Variants in KIFBP observed in about 807,000 individuals in gnomAD.
KIFBP encodes KIF-binding protein.
A neutral mutation model predicts 58.9 loss-of-function variants in KIFBP; 46 were observed. That is an observed-to-expected ratio of 0.78 (90% CI 0.62 to 1.00). The LOEUF is 1.00. Ranked by LOEUF, KIFBP falls within the 50% of genes least tolerant of loss-of-function variation. The pLI is 0.00. For synonymous variants in KIFBP, 241 were observed against 283.4 expected, an observed-to-expected ratio of 0.85 and a Z score of 1.50; for missense variants, 651 against 752.9, an observed-to-expected ratio of 0.86 and a Z score of 1.58.
intron 2 of KIFBP, among the ~76,000 whole-genome samples, chr10:69,004,454 T>C (rs1392516071): frequency 2.0e-5 from 3 of 152,154 alleles, no homozygotes; most frequent in Admixed American, 2.0e-4. Context: ...TTTTGCATAT[T>C]TGCAGTTTAA....
chr10:68,992,008 T>C (rs1026212204), intron 1 of KIFBP, among the ~76,000 whole-genome samples: 1 of 152,032 alleles, frequency 6.6e-6, no homozygotes, highest in Non-Finnish European at 1.5e-5. Context: ...TTATTTTTAT[T>C]TTTGAGACAG....
intron 1 of KIFBP, among the ~76,000 whole-genome samples, chr10:68,994,476 C>T (rs1322492517): frequency 6.6e-6 from 1 of 152,024 alleles, no homozygotes; most frequent in Non-Finnish European, 1.5e-5. Flanking sequence ...ATTAGATTAT[C>T]AAGAGATTTC....
At chr10:68,996,873 A>G (rs181439794) in intron 1 of KIFBP, among the ~76,000 whole-genome samples, 2,090 of 152,054 alleles carry the variant, frequency 0.014, 18 homozygotes, top group Non-Finnish European at 0.02. Context: ...ATAAAATAAA[A>G]AATATTTTGG....
Position 69,016,840 on chromosome 10 carries a change from T to G in KIFBP, c.*424T>G. 1 of 156,076 alleles carries G rather than the reference T, an allele frequency of 6.4e-6. No individual in the cohort carries two copies. Among genetic ancestry groups the G allele is most frequent in the Non-Finnish European group, 1.4e-5 (1 of 70,574 alleles). The allele number at this position is 156,076 out of a possible 1,614,324, so 9.7% of individuals were successfully genotyped here. A position where few individuals can be genotyped will look rare whatever the true frequency, so the allele number is the denominator to read the frequency against. ...CTTCTAAAATATTTGACTTCCTAAATTCCCCCCACCCAAAATCTTTCCCTT... is the reference window on the plus strand; with the variant it reads ...CTTCTAAAATATTTGACTTCCTAAAGTCCCCCCACCCAAAATCTTTCCCTT... On this transcript the variant is annotated 3_prime_UTR_variant, in exon 7 of 7. Coordinates refer to ENST00000361983, the MANE Select transcript of KIFBP (RefSeq NM_015634.4).
Position 69,005,116 on chromosome 10 carries a change from G to A in KIFBP, c.596G>A (p.Arg199Lys). The A allele has an allele frequency of 6.2e-7, 1 of 1,609,780 alleles. No homozygotes were observed. Among genetic ancestry groups the A allele is most frequent in the East Asian group, 2.2e-5 (1 of 44,816 alleles). ...GAAGAGAAACTTACTGAACAAGAGAGATCAAAAAGGTGAGTAGGTATAGAA... is the reference window on the plus strand; with the variant it reads ...GAAGAGAAACTTACTGAACAAGAGAAATCAAAAAGGTGAGTAGGTATAGAA... ...PEEEKLTEQERSKRFEKVYTH... is the reference protein window; with the variant it reads ...PEEEKLTEQEKSKRFEKVYTH... Residue 199 changes from arginine (R) to lysine (K), a missense_variant, in exon 3 of 7, where the codon AGA becomes AAA. By Grantham distance (26) the Arg-to-Lys change is conservative. Transcript: ENST00000361983.
chr10:68,997,052 C>T (rs1269963510), intron 1 of KIFBP, among the ~76,000 whole-genome samples: 3 of 151,952 alleles, frequency 2.0e-5, no homozygotes, highest in Middle Eastern at 3.2e-3. Context: ...TTTGGTCTTC[C>T]GGCTTTACAA....
rs140826893 is a variant in KIFBP at position 69,005,859 on chromosome 10, C to T, written c.733C>T (p.His245Tyr). 4.5e-5 allele frequency: 72 copies of T among 1,613,972 alleles called. No individual in the cohort carries two copies. In the African/African-American group the frequency reaches 9.1e-4, roughly 20 times the overall value. Residue 245 changes from histidine (H) to tyrosine (Y), a missense_variant, in exon 4 of 7, where the codon CAT becomes TAT. Physicochemically the swap from His to Tyr is moderately conservative, Grantham distance 83. Coordinates refer to ENST00000361983, the MANE Select transcript of KIFBP (RefSeq NM_015634.4). ...ACGCCAGCTTGAGCACAATGCCTAC[C>T]ATCCTATAGAGTGGGCTATCAATGC... ...LKRQLEHNAYHPIEWAINAAT... is the reference protein window; with the variant it reads ...LKRQLEHNAYYPIEWAINAAT...
intron 1 of KIFBP, chr10:68,991,696 T>G (rs1422013699): frequency 5.9e-6 from 1 of 169,036 alleles, no homozygotes; most frequent in African/African-American, 2.4e-5. Flanking sequence ...GCTGTGGGCC[T>G]GAGAGTGGGC....
chr10:68,992,895 A>G (rs1445305613), intron 1 of KIFBP, among the ~76,000 whole-genome samples: 1 of 152,080 alleles, frequency 6.6e-6, no homozygotes, highest in Non-Finnish European at 1.5e-5. Flanking sequence ...ATTTGATTCC[A>G]AGGGTCTGGG....
At chr10:69,008,377 T>TAAAAAAAAAAAA (rs1211667916) in intron 4 of KIFBP, among the ~76,000 whole-genome samples, 6 of 75,464 alleles carry the variant, frequency 8.0e-5, no homozygotes, top group South Asian at 4.7e-4. Context: ...CCCTGTCTCG[T>TAAAAAAAAAAAA]AAAAAAAAAA....
intron 1 of KIFBP, among the ~76,000 whole-genome samples, chr10:68,996,363 C>T (rs1843407464): frequency 6.6e-6 from 1 of 151,770 alleles, no homozygotes; most frequent in Non-Finnish European, 1.5e-5. Flanking sequence ...GAGTTCAAGA[C>T]AAGCCTGGCC....
At position 69,005,053 on chromosome 10, in the gene KIFBP, G is replaced by A. The variant is rs1564636741; in HGVS notation, c.533G>A (p.Ser178Asn). 1 of 1,612,796 alleles carries A rather than the reference G, an allele frequency of 6.2e-7. No individual in the cohort carries two copies. Among genetic ancestry groups the A allele is most frequent in the South Asian group, 1.1e-5 (1 of 91,060 alleles). Reference protein sequence around the residue: ...LYNQYMKEVGSPPLDPTERFL... With the variant: ...LYNQYMKEVGNPPLDPTERFL... ...TGTTTTTCTTAATTGTAGGTTGGGA[G>A]TCCTCCTCTTGATCCTACTGAGCGT... is the stretch of plus-strand genomic sequence containing the variant. The change falls in exon 3 of 7, where the codon AGT (serine) becomes AAT (asparagine). Residue 178 changes from serine to asparagine, a missense_variant. Physicochemically the swap from Ser to Asn is conservative, Grantham distance 46. Transcript: ENST00000361983.
chr10:68,993,611 T>TA (rs201019933), intron 1 of KIFBP, among the ~76,000 whole-genome samples: 1 of 151,810 alleles, frequency 6.6e-6, no homozygotes, highest in Non-Finnish European at 1.5e-5. Flanking sequence ...TTTTTTTTTT[T>TA]AAATTTAATT....
rs780736542 is a variant in KIFBP, at chr10:69,016,446, A to G, written c.*30A>G. On this transcript the variant is annotated 3_prime_UTR_variant, in exon 7 of 7. Transcript: ENST00000361983. Reference sequence around the variant, plus strand: ...TGTTTTTAAAGAAAGGAAATGTGCAATATTGAAGTGATCTTTTTCCCTAGT... The same window carrying G: ...TGTTTTTAAAGAAAGGAAATGTGCAGTATTGAAGTGATCTTTTTCCCTAGT... 2.5e-6 allele frequency: 4 copies of G among 1,610,652 alleles called. No individual in the cohort carries two copies. Among genetic ancestry groups the G allele is most frequent in the Admixed American group, 1.7e-5 (1 of 59,976 alleles).
At chr10:69,008,306 G>A (rs1362015076) in intron 4 of KIFBP, among the ~76,000 whole-genome samples, 3 of 147,400 alleles carry the variant, frequency 2.0e-5, no homozygotes, top group Non-Finnish European at 4.4e-5. Context: ...AGACCAGGAG[G>A]TTGAGGCTGC....
intron 4 of KIFBP, among the ~76,000 whole-genome samples, chr10:69,007,140 C>T (rs1843544461): frequency 6.6e-6 from 1 of 152,068 alleles, no homozygotes; most frequent in South Asian, 2.1e-4. Context: ...TGGAAATTGG[C>T]AGTACTAAGA....
chr10:69,009,568 G>A (rs1843570329), intron 5 of KIFBP, among the ~76,000 whole-genome samples: 1 of 151,952 alleles, frequency 6.6e-6, no homozygotes, highest in African/African-American at 2.4e-5. Flanking sequence ...TAAGAATATA[G>A]GCCAGTTATT....
intron 1 of KIFBP, chr10:68,989,613 T>G (rs1184364410): frequency 6.3e-6 from 2 of 319,716 alleles, no homozygotes; most frequent in African/African-American, 2.2e-5. Flanking sequence ...CTGTTCATTC[T>G]GTTAAGAAAA....
chr10:69,009,344 T>TAA (rs931419659), intron 5 of KIFBP, among the ~76,000 whole-genome samples: 5 of 145,620 alleles, frequency 3.4e-5, no homozygotes, highest in African/African-American at 1.3e-4. Flanking sequence ...TTAAAGAAAT[T>TAA]AAAAAAAAAA....
Sources: gnomAD v4.1 joint callset for allele counts (sites outside exome capture counted in the v4.1 genomes callset) on GRCh38, gnomAD v4.1.1 for gene constraint, MANE v1.5 for transcripts, NCBI Gene and HGNC (gene_info 2026-07-23, HGNC 2026-07-21) for gene names.